Variants in ELMO1 observed in about 807,000 individuals in gnomAD.
The protein encoded by ELMO1 is engulfment and cell motility 1.
ELMO1 carries 26 observed loss-of-function variants against 98.9 expected under a neutral mutation model. That is an observed-to-expected ratio of 0.26 (90% confidence interval 0.19 to 0.36). The LOEUF (loss-of-function observed/expected upper bound fraction) is 0.36, where lower values mean the gene tolerates loss of function less well. ELMO1 is among the 10% of genes least tolerant of loss of function. The pLI, the probability that ELMO1 is intolerant of heterozygous loss-of-function variation, is 1.00. For synonymous variants in ELMO1, 346 were observed against 346.0 expected (o/e 1.00, Z 0.00); for missense variants, 627 against 935.2 (o/e 0.67, Z 4.30).
chr7:37,374,481 G>A (rs754240766), intron 1 of ELMO1, among the ~76,000 whole-genome samples: 2 of 152,244 alleles, frequency 1.3e-5, no homozygotes, highest in Non-Finnish European at 2.9e-5. Flanking sequence ...ACCGGGAGTG[G>A]CGGCTCATGC....
At chr7:37,086,799 TCAATTCTCCCTTAC>T in intron 15 of ELMO1, among the ~76,000 whole-genome samples, 1 of 135,544 alleles carries the variant, frequency 7.4e-6, no homozygotes, top group East Asian at 2.1e-4. Flanking sequence ...AAAAAAAATA[TCAATTCTCCCTTAC>T]CAATTCTCAT....
chr7:37,267,023 AAAAATATG>A (rs1292223742), intron 5 of ELMO1, among the ~76,000 whole-genome samples: 1 of 102,470 alleles, frequency 9.8e-6, no homozygotes, highest in Admixed American at 1.1e-4. Context: ...AAAAAAAAAA[AAAAATATG>A]TATATATACA....
rs144178709 is a variant in ELMO1 at position 37,038,426 on chromosome 7, T to C, written c.1301-24991A>G. Among the ~76,000 whole-genome samples the C allele has an allele frequency of 2.1e-4, 32 of 152,304 alleles. No individual in the cohort carries two copies. The East Asian group carries it at 6.2e-3, about 29-fold the overall frequency. ...CCCAGAACTGTTTCTCTTATTTTAATAGAAGCCTTGTGGAGGCAAGAAATT... is the reference window on the plus strand; with the variant it reads ...CCCAGAACTGTTTCTCTTATTTTAACAGAAGCCTTGTGGAGGCAAGAAATT... On this transcript the variant is annotated intron_variant, in intron 15 of 21. Coordinates refer to ENST00000310758, the MANE Select transcript of ELMO1 (RefSeq NM_014800.11).
At position 36,894,843 on chromosome 7, in the gene ELMO1, A is replaced by G. The variant is rs6462722; in HGVS notation, c.1601+11T>C. On this transcript the variant is annotated intron_variant, in intron 17 of 21. Coordinates refer to ENST00000310758, the MANE Select transcript of ELMO1 (RefSeq NM_014800.11). ...CTTTTGGGAGATAGAAGTCAATACT[A>G]GGTAACTTACAAAATCGGGCGGGAC... 1,562,196 of 1,614,044 alleles carry G rather than the reference A, an allele frequency of 0.97. 756,304 individuals carry two copies. The highest frequency in any genetic ancestry group is 1 in the East Asian group (44,842 of 44,848).
At chr7:37,065,660 A>G (rs1796917769) in intron 15 of ELMO1, among the ~76,000 whole-genome samples, 1 of 152,082 alleles carries the variant, frequency 6.6e-6, no homozygotes, top group African/African-American at 2.4e-5. Context: ...ACCAACCCAC[A>G]TGGAAAAAAG....
At chr7:37,275,231 T>A (rs1173430801) in intron 4 of ELMO1, among the ~76,000 whole-genome samples, 1 of 152,172 alleles carries the variant, frequency 6.6e-6, no homozygotes, top group Non-Finnish European at 1.5e-5. Context: ...TAAGGAATGC[T>A]CCTCGGAGTC....
intron 16 of ELMO1, among the ~76,000 whole-genome samples, chr7:36,937,262 C>G (rs1786620669): frequency 6.6e-6 from 1 of 152,192 alleles, no homozygotes; most frequent in Non-Finnish European, 1.5e-5. Flanking sequence ...TCCAGTATAA[C>G]TGGCGTCCTT....
At chr7:37,007,561 C>T (rs756150739) in intron 16 of ELMO1, among the ~76,000 whole-genome samples, 3 of 152,164 alleles carry the variant, frequency 2.0e-5, no homozygotes, top group Non-Finnish European at 4.4e-5. Context: ...CAACAGAGCG[C>T]CGTCTGCACC....
At chr7:36,953,154 G>T (rs1669331414) in intron 16 of ELMO1, among the ~76,000 whole-genome samples, 1 of 151,814 alleles carries the variant, frequency 6.6e-6, no homozygotes, top group Non-Finnish European at 1.5e-5. Flanking sequence ...TTTCAGTAGA[G>T]ATGGGGTTTC....
Position 36,854,334 on chromosome 7 carries a change from A to G in ELMO1, c.*1217T>C, listed in dbSNP as rs1802041442. On this transcript the variant is annotated 3_prime_UTR_variant, in exon 22 of 22. Transcript: ENST00000310758. ...TGACTGAGTAGCAAGAACCTAAGTT[A>G]CTAAATCAAAACACCAGCTCCCCAA... The G allele has an allele frequency of 1.3e-5, 2 of 152,364 alleles. No individual in the cohort carries two copies. The highest frequency in any genetic ancestry group is 2.9e-5 in the Non-Finnish European group (2 of 68,040). The allele number at this position is 152,364 out of a possible 1,614,324, so 9.4% of individuals were successfully genotyped here. A position where few individuals can be genotyped will look rare whatever the true frequency, so the allele number is the denominator to read the frequency against.
intron 15 of ELMO1, among the ~76,000 whole-genome samples, chr7:37,026,438 G>T (rs1029004884): frequency 5.3e-5 from 8 of 152,244 alleles, no homozygotes; most frequent in Non-Finnish European, 8.8e-5. Flanking sequence ...CATTGAACAG[G>T]TTCTTTCTTA....
intron 4 of ELMO1, among the ~76,000 whole-genome samples, chr7:37,293,943 T>C (rs1172407827): frequency 6.6e-6 from 1 of 152,070 alleles, no homozygotes; most frequent in Non-Finnish European, 1.5e-5. Flanking sequence ...TTTGGTGTCA[T>C]TGAGTAAATT....
chr7:37,320,445 G>A (rs1057000102), intron 2 of ELMO1, among the ~76,000 whole-genome samples: 8 of 151,822 alleles, frequency 5.3e-5, no homozygotes, highest in East Asian at 1.9e-4. Context: ...CCACACTTTC[G>A]CTCATGCCAT....
At chr7:36,898,387 C>A (rs1022512014) in intron 16 of ELMO1, among the ~76,000 whole-genome samples, 8 of 152,168 alleles carry the variant, frequency 5.3e-5, no homozygotes, top group Non-Finnish European at 1.0e-4. Context: ...GTTGGTATTG[C>A]CCCATCATTC....
intron 1 of ELMO1, among the ~76,000 whole-genome samples, chr7:37,383,023 G>A (rs552988335): frequency 6.6e-6 from 1 of 152,112 alleles, no homozygotes; most frequent in Non-Finnish European, 1.5e-5. Context: ...ATACTTCAAT[G>A]TATATTTCTA....
intron 13 of ELMO1, among the ~76,000 whole-genome samples, chr7:37,145,278 G>A (rs1341212204): frequency 3.3e-5 from 5 of 152,200 alleles, no homozygotes; most frequent in Non-Finnish European, 5.9e-5. Context: ...AGGAGATCTA[G>A]AATCCAGATC....
intron 1 of ELMO1, among the ~76,000 whole-genome samples, chr7:37,430,038 C>T (rs534378982): frequency 6.6e-6 from 1 of 152,328 alleles, no homozygotes; most frequent in East Asian, 1.9e-4. Flanking sequence ...TCACACCTAG[C>T]ACCCTCCCTC....
intron 8 of ELMO1, among the ~76,000 whole-genome samples, chr7:37,230,769 T>TA (rs1264936168): frequency 3.3e-5 from 5 of 152,152 alleles, no homozygotes; most frequent in African/African-American, 1.2e-4. Context: ...TGTTAAGTAT[T>TA]AAAAAATCAA....
At chr7:37,230,113 T>C (rs1794086856) in intron 8 of ELMO1, among the ~76,000 whole-genome samples, 2 of 152,210 alleles carry the variant, frequency 1.3e-5, no homozygotes, top group African/African-American at 4.8e-5. Context: ...GTATTTTTAA[T>C]GCTTCCAAGC....
Sources: gnomAD v4.1 joint callset for allele counts (sites outside exome capture counted in the v4.1 genomes callset) on GRCh38, gnomAD v4.1.1 for gene constraint, MANE v1.5 for transcripts, NCBI Gene and HGNC (gene_info 2026-07-23, HGNC 2026-07-21) for gene names.